CADM2: variants seen among roughly 807,000 people sequenced by gnomAD.
CADM2 encodes immunoglobulin superfamily member 4D.
In CADM2, 12 loss-of-function variants were observed where a neutral mutation model predicts 49.8. The ratio of observed to expected loss-of-function variants is 0.24; its 90% CI spans 0.15 to 0.39. CADM2 has a LOEUF of 0.39. Among genes scored for constraint, CADM2 ranks in the 10% least tolerant of loss-of-function variants. CADM2 has a pLI of 1.00. For synonymous variants in CADM2, 214 were observed against 175.4 expected, an observed-to-expected ratio of 1.22 and a Z score of -1.74; for missense variants, 378 against 492.3, an observed-to-expected ratio of 0.77 and a Z score of 2.20.
At chr3:85,933,894 C>G (rs558566173) in intron 6 of CADM2, among the ~76,000 whole-genome samples, 16 of 152,144 alleles carry the variant, frequency 1.1e-4, no homozygotes, top group Admixed American at 8.5e-4. Flanking sequence ...TTTAGTCTTT[C>G]AAGAGATTGG....
chr3:85,939,604 G>A lies in CADM2; in HGVS notation c.791+3747G>A, dbSNP rs571891701. On this transcript the variant is annotated intron_variant, in intron 7 of 9. Coordinates refer to ENST00000383699, the MANE Select transcript of CADM2 (RefSeq NM_001167675.2). ...GAGTCATCATTCATTTTAATCGAAT[G>A]TGTAAGGCTGTTTAAATTCACCTCC... Among the ~76,000 whole-genome samples the A allele has an allele frequency of 5.9e-5, 9 of 151,750 alleles. No homozygotes were observed. The South Asian group carries it at 1.0e-3, about 18-fold the overall frequency.
At chr3:85,510,694 GTTAACTCAC>G (rs1426748764) in intron 1 of CADM2, among the ~76,000 whole-genome samples, 1 of 151,908 alleles carries the variant, frequency 6.6e-6, no homozygotes, top group African/African-American at 2.4e-5. Context: ...AACTCACTCA[GTTAACTCAC>G]TTAACTCACT....
chr3:85,652,238 GA>G (rs892343475), intron 1 of CADM2, among the ~76,000 whole-genome samples: 4 of 152,028 alleles, frequency 2.6e-5, no homozygotes, highest in Non-Finnish European at 4.4e-5. Context: ...ATTAAATAAT[GA>G]AAAAATGATA....
intron 1 of CADM2, among the ~76,000 whole-genome samples, chr3:85,306,028 T>C (rs566828736): frequency 6.6e-6 from 1 of 151,810 alleles, no homozygotes; most frequent in Non-Finnish European, 1.5e-5. Flanking sequence ...AAAATGTAGG[T>C]CAAAACCTAA....
chr3:85,543,169 C>A (rs1315586857), intron 1 of CADM2, among the ~76,000 whole-genome samples: 1 of 151,884 alleles, frequency 6.6e-6, no homozygotes, highest in Non-Finnish European at 1.5e-5. Flanking sequence ...GGCAGATTCC[C>A]AAATGTACAA....
intron 1 of CADM2, among the ~76,000 whole-genome samples, chr3:85,095,399 T>C (rs1349562169): frequency 6.6e-6 from 1 of 152,178 alleles, no homozygotes; most frequent in Non-Finnish European, 1.5e-5. Context: ...TCATATTATT[T>C]GTGCAGTAGG....
rs754058925 is a variant in CADM2, at chr3:85,961,553, T to C, written c.876T>C (p.Ile292=). 12 of 1,610,810 alleles carry C rather than the reference T, an allele frequency of 7.4e-6. No homozygotes were observed. The highest frequency in any genetic ancestry group is 1.0e-5 in the Non-Finnish European group (12 of 1,177,750). The change falls in exon 8 of 10, where the codon ATT becomes ATC. Residue 292 remains isoleucine (I), a synonymous_variant. Coordinates refer to ENST00000383699, the MANE Select transcript of CADM2 (RefSeq NM_001167675.2). The part of the protein sequence containing the change: ...RMVVSGRELN[I]LFLNKTDNGT... Reference sequence around the variant, plus strand: ...TTGTGAGTGGTAGGGAGCTAAACATTCTTTTCCTGAACAAAACGGATAATG... The same window carrying C: ...TTGTGAGTGGTAGGGAGCTAAACATCCTTTTCCTGAACAAAACGGATAATG...
chr3:85,709,578 G>A (rs145520940), intron 1 of CADM2, among the ~76,000 whole-genome samples: 181 of 152,176 alleles, frequency 1.2e-3, no homozygotes, highest in African/African-American at 4.3e-3. Context: ...GACCTTTTAG[G>A]TTGCATTCAG....
At chr3:85,478,353 G>A (rs1403955803) in intron 1 of CADM2, among the ~76,000 whole-genome samples, 1 of 151,880 alleles carries the variant, frequency 6.6e-6, no homozygotes, top group Admixed American at 6.6e-5. Context: ...GACCTGATAT[G>A]GAAAAATAAG....
chr3:85,821,736 C>A (rs576146968), intron 3 of CADM2, among the ~76,000 whole-genome samples: 45 of 152,198 alleles, frequency 3.0e-4, no homozygotes, highest in African/African-American at 1.0e-3. Context: ...CTTCTCAAAT[C>A]ATTTTTGAGG....
chr3:85,647,918 G>A (rs2064935701), intron 1 of CADM2, among the ~76,000 whole-genome samples: 1 of 151,686 alleles, frequency 6.6e-6, no homozygotes, highest in African/African-American at 2.4e-5. Context: ...ATCCTTTCTG[G>A]GTTTGATTAA....
intron 1 of CADM2, among the ~76,000 whole-genome samples, chr3:85,024,983 T>C (rs1018015191): frequency 6.6e-6 from 1 of 152,182 alleles, no homozygotes; most frequent in Non-Finnish European, 1.5e-5. Context: ...TCATTAAATA[T>C]AAATCTAGAT....
intron 1 of CADM2, among the ~76,000 whole-genome samples, chr3:85,677,115 A>G (rs1361974299): frequency 6.6e-6 from 1 of 152,136 alleles, no homozygotes; most frequent in African/African-American, 2.4e-5. Context: ...GTTCACACGT[A>G]TTGACCTTAT....
chr3:85,889,333 C>T (rs1281575152), intron 5 of CADM2, among the ~76,000 whole-genome samples: 1 of 152,118 alleles, frequency 6.6e-6, no homozygotes, highest in Non-Finnish European at 1.5e-5. Flanking sequence ...GGTTCTGAAG[C>T]TGTAGCCATT....
intron 1 of CADM2, among the ~76,000 whole-genome samples, chr3:85,052,835 A>T (rs2035937434): frequency 6.6e-6 from 1 of 152,096 alleles, no homozygotes; most frequent in African/African-American, 2.4e-5. Flanking sequence ...TACAAAAACC[A>T]TATAATTACA....
rs1739628044 is a variant in CADM2 at position 86,069,199 on chromosome 3, A to T, written c.*2416A>T. The T allele has an allele frequency of 6.6e-6, 1 of 151,982 alleles. No individual in the cohort carries two copies. Among genetic ancestry groups the T allele is most frequent in the Admixed American group, 6.6e-5 (1 of 15,254 alleles). The allele number at this position is 151,982 out of a possible 1,614,324, so 9.4% of individuals were successfully genotyped here. A position where few individuals can be genotyped will look rare whatever the true frequency, so the allele number is the denominator to read the frequency against. ...CCAACAACTAAATTGTTGCCTAAAT[A>T]ACTCAATCATTATTTATAGCACTGT... On this transcript the variant is annotated 3_prime_UTR_variant, in exon 10 of 10. Coordinates refer to ENST00000383699, the MANE Select transcript of CADM2 (RefSeq NM_001167675.2).
At chr3:85,971,390 A>C (rs1726113658) in intron 8 of CADM2, among the ~76,000 whole-genome samples, 1 of 151,720 alleles carries the variant, frequency 6.6e-6, no homozygotes, top group Non-Finnish European at 1.5e-5. Context: ...TTAGATGAGG[A>C]AGCATAGATG....
chr3:85,527,143 T>A (rs969455551), intron 1 of CADM2, among the ~76,000 whole-genome samples: 1 of 152,016 alleles, frequency 6.6e-6, no homozygotes, highest in African/African-American at 2.4e-5. Context: ...CACAGCACCG[T>A]GGGATGCCAG....
At chr3:85,435,185 A>C (rs564213682) in intron 1 of CADM2, among the ~76,000 whole-genome samples, 1 of 151,840 alleles carries the variant, frequency 6.6e-6, no homozygotes, top group Non-Finnish European at 1.5e-5. Flanking sequence ...ACAACCCCCA[A>C]TAGGCCCCAG....
Sources: gnomAD v4.1 joint callset for allele counts (sites outside exome capture counted in the v4.1 genomes callset) on GRCh38, gnomAD v4.1.1 for gene constraint, MANE v1.5 for transcripts, NCBI Gene and HGNC (gene_info 2026-07-23, HGNC 2026-07-21) for gene names.